The following BBS9 variants were observed in gnomAD, a reference collection of about 807,000 sequenced individuals.
BBS9 encodes protein PTHB1.
Under a neutral mutation model 117.7 loss-of-function variants are expected in BBS9, and 89 were observed. The observed-to-expected ratio is 0.76, with a 90% CI of 0.64 to 0.90. The LOEUF is 0.90. BBS9 is among the 40% of genes least tolerant of loss of function. BBS9 has a pLI of 0.00. For missense variants in BBS9, 982 were observed against 1,042.2 expected (o/e 0.94, Z 0.80); for synonymous variants, 379 against 370.9 (o/e 1.02, Z -0.25).
intron 9 of BBS9, among the ~76,000 whole-genome samples, chr7:33,331,732 A>G (rs987811630): frequency 4.6e-5 from 7 of 151,938 alleles, no homozygotes; most frequent in Admixed American, 6.6e-5. Context: ...AATCTTAGGA[A>G]TATACTTAAC....
intron 19 of BBS9, among the ~76,000 whole-genome samples, chr7:33,432,275 A>AT (rs554909955): frequency 0.28 from 39,492 of 141,752 alleles, 5,522 homozygotes; most frequent in African/African-American, 0.34. Context: ...TGCCCGGCTA[A>AT]TTTTTTTTTT....
At position 33,352,867 on chromosome 7, in the gene BBS9, C is replaced by A. The variant is rs73688160; in HGVS notation, c.1546C>A (p.Pro516Thr). The change falls in exon 15 of 23, where the codon CCT (proline) becomes ACT (threonine). Residue 516 changes from proline (P) to threonine (T), a missense_variant. Physicochemically the swap from Pro to Thr is conservative, Grantham distance 38. Coordinates refer to ENST00000242067, the MANE Select transcript of BBS9 (RefSeq NM_198428.3). ...TTGCCTGTGATGGACAGATCGAAAT[C>A]CTGATGGTAAGTGTAAAGATAATTT... Reference protein sequence around the residue: ...VSYSRPTDRNPDGIPRVIQCK... With the variant: ...VSYSRPTDRNTDGIPRVIQCK... The A allele has an allele frequency of 2.8e-3, 4,540 of 1,612,446 alleles. 122 individuals carry two copies. The African/African-American group carries it at 0.054, about 19-fold the overall frequency.
intron 5 of BBS9, among the ~76,000 whole-genome samples, chr7:33,204,993 T>C (rs1044058180): frequency 6.6e-6 from 1 of 152,232 alleles, no homozygotes; most frequent in African/African-American, 2.4e-5. Flanking sequence ...TGGGTTACTG[T>C]AGTTTCCCAT....
intron 17 of BBS9, among the ~76,000 whole-genome samples, chr7:33,370,899 G>T (rs1822740950): frequency 6.6e-6 from 1 of 152,058 alleles, no homozygotes; most frequent in Non-Finnish European, 1.5e-5. Flanking sequence ...GAATTTAGAA[G>T]AGTTTAAAAG....
chr7:33,504,617 C>T (rs1030661284), intron 19 of BBS9, among the ~76,000 whole-genome samples: 11 of 152,226 alleles, frequency 7.2e-5, no homozygotes, highest in South Asian at 2.1e-4. Context: ...GACTGTCAGA[C>T]GCCTTGAGCC....
intron 19 of BBS9, among the ~76,000 whole-genome samples, chr7:33,455,764 C>T (rs1838572587): frequency 6.6e-6 from 1 of 152,152 alleles, no homozygotes; most frequent in African/African-American, 2.4e-5. Flanking sequence ...ATCAGAACTA[C>T]AGAGGATTGT....
chr7:33,505,698 C>G, intron 20 of BBS9, 53 bp downstream of exon 20: 1 of 1,585,842 alleles, frequency 6.3e-7, no homozygotes, highest in African/African-American at 1.3e-5. Flanking sequence ...GAAGTTTCGG[C>G]TTTAGGAAGA....
intron 21 of BBS9, among the ~76,000 whole-genome samples, chr7:33,625,175 C>T (rs1865581325): frequency 6.6e-6 from 1 of 152,024 alleles, no homozygotes; most frequent in Admixed American, 6.6e-5. Context: ...AATTATAGTA[C>T]CTTGGGTCCT....
intron 5 of BBS9, among the ~76,000 whole-genome samples, chr7:33,207,917 C>T (rs1378102942): frequency 6.6e-6 from 1 of 152,048 alleles, no homozygotes; most frequent in Non-Finnish European, 1.5e-5. Context: ...AAGCGATTCT[C>T]CTGCCTCAGC....
At position 33,343,469 on chromosome 7, in the gene BBS9, T is replaced by G. The variant is rs537183991; in HGVS notation, c.1276-1112T>G. 2.3e-3 allele frequency among the ~76,000 whole-genome samples: 356 copies of G among 152,184 alleles called. 3 individuals carry two copies. Among genetic ancestry groups the G allele is most frequent in the Non-Finnish European group, 4.3e-3 (292 of 67,990 alleles). On this transcript the variant is annotated intron_variant, in intron 11 of 22. Transcript: ENST00000242067. ...GATATGCACTGGTTAAAAAAAAGTTTCCCTTCCCTTCCTTCCATTCCCCTC... is the reference window on the plus strand; with the variant it reads ...GATATGCACTGGTTAAAAAAAAGTTGCCCTTCCCTTCCTTCCATTCCCCTC...
chr7:33,567,565 T>C (rs1481561502), intron 21 of BBS9, among the ~76,000 whole-genome samples: 3 of 152,124 alleles, frequency 2.0e-5, no homozygotes, highest in Non-Finnish European at 4.4e-5. Context: ...GAGAAGTTGG[T>C]ATTCCTTCAG....
intron 21 of BBS9, among the ~76,000 whole-genome samples, chr7:33,574,207 T>G (rs773289168): frequency 6.6e-6 from 1 of 152,106 alleles, no homozygotes; most frequent in African/African-American, 2.4e-5. Flanking sequence ...TTTTTGCAAA[T>G]AGTGAATATA....
intron 4 of BBS9, among the ~76,000 whole-genome samples, chr7:33,174,648 C>T (rs1360034600): frequency 6.6e-6 from 1 of 152,208 alleles, no homozygotes; most frequent in African/African-American, 2.4e-5. Context: ...TTTACACTTC[C>T]ATTTATGTTA....
At chr7:33,338,508 T>A (rs1815843650) in intron 10 of BBS9, among the ~76,000 whole-genome samples, 2 of 152,212 alleles carry the variant, frequency 1.3e-5, no homozygotes, top group Admixed American at 1.3e-4. Context: ...TTATGTTCAG[T>A]ACTTAAAGCT....
chr7:33,492,811 A>AGTGTGTGTGTGTGTGTGTGT (rs57870306), intron 19 of BBS9, among the ~76,000 whole-genome samples: 4 of 131,580 alleles, frequency 3.0e-5, no homozygotes, highest in African/African-American at 6.0e-5. Flanking sequence ...TATAGGAGTG[A>AGTGTGTGTGTGTGTGTGTGT]GTGTGTGTGT....
intron 19 of BBS9, among the ~76,000 whole-genome samples, chr7:33,473,691 TAC>T (rs1232639876): frequency 6.6e-6 from 1 of 152,170 alleles, no homozygotes; most frequent in Non-Finnish European, 1.5e-5. Context: ...CATGGTAAAT[TAC>T]AGTTTCCATA....
At chr7:33,394,975 T>A (rs1827700532) in intron 19 of BBS9, among the ~76,000 whole-genome samples, 1 of 152,186 alleles carries the variant, frequency 6.6e-6, no homozygotes, top group African/African-American at 2.4e-5. Context: ...AGTCCAGGCT[T>A]TAGAATATCA....
chr7:33,167,183 T>C (rs1795830546), intron 4 of BBS9, among the ~76,000 whole-genome samples: 1 of 152,210 alleles, frequency 6.6e-6, no homozygotes, highest in Non-Finnish European at 1.5e-5. Context: ...AAATAACAGT[T>C]GTTTCTCCAA....
chr7:33,493,736 G>C (rs1379361454), intron 19 of BBS9, among the ~76,000 whole-genome samples: 1 of 152,102 alleles, frequency 6.6e-6, no homozygotes, highest in Non-Finnish European at 1.5e-5. Flanking sequence ...CTAGAAATCT[G>C]CTTCCCAAAG....
Sources: allele counts gnomAD v4.1 joint callset (sites outside exome capture counted in the v4.1 genomes callset), GRCh38; gene constraint gnomAD v4.1.1; transcripts MANE v1.5; gene names NCBI Gene and HGNC (gene_info 2026-07-23, HGNC 2026-07-21).